The following ADGB variants were observed in gnomAD, a reference collection of about 807,000 sequenced individuals.
The protein encoded by ADGB is calpain-7-like protein.
Under a neutral mutation model 210.5 loss-of-function variants are expected in ADGB, and 172 were observed. The ratio of observed to expected loss-of-function variants is 0.82; its 90% CI spans 0.72 to 0.93. ADGB has a LOEUF of 0.93. Among genes scored for constraint, ADGB ranks in the 40% least tolerant of loss-of-function variants. ADGB has a pLI of 0.00. For synonymous variants in ADGB, 658 were observed against 662.7 expected (o/e 0.99, Z 0.11); for missense variants, 2,025 against 1,964.8 (o/e 1.03, Z -0.58).
At chr6:146,709,266 G>A (rs1776622879) in intron 13 of ADGB, among the ~76,000 whole-genome samples, 1 of 152,092 alleles carries the variant, frequency 6.6e-6, no homozygotes, top group African/African-American at 2.4e-5. Context: ...TTTTGGTGGG[G>A]TCATGTTTCC....
chr6:146,705,488 G>C (rs1191095164), intron 13 of ADGB, among the ~76,000 whole-genome samples: 1 of 152,068 alleles, frequency 6.6e-6, no homozygotes, highest in Non-Finnish European at 1.5e-5. Context: ...AATCATAAAA[G>C]GATGTTGAAT....
intron 16 of ADGB, among the ~76,000 whole-genome samples, chr6:146,718,104 T>C (rs1270119884): frequency 6.6e-6 from 1 of 152,132 alleles, no homozygotes; most frequent in African/African-American, 2.4e-5. Context: ...ACTGTGAGGC[T>C]TCCCTTCCCT....
intron 35 of ADGB, among the ~76,000 whole-genome samples, chr6:146,813,615 A>C (rs1196998296): frequency 7.1e-6 from 1 of 140,698 alleles, no homozygotes; most frequent in African/African-American, 2.6e-5. Context: ...AGACCTTCAG[A>C]GGAATGTCTG....
chr6:146,724,335 G>A lies in ADGB; in HGVS notation c.2237+8G>A. On this transcript the variant is annotated splice_region_variant and intron_variant, in intron 18 of 35. Transcript: ENST00000397944. ...GGTTCGTCTGCCTGTTGGGTATGAA[G>A]TGGCTTCATTTTTCCCATAATAAAA... The A allele has an allele frequency of 6.7e-7, 1 of 1,502,904 alleles. No homozygotes were observed. Among genetic ancestry groups the A allele is most frequent in the Non-Finnish European group, 8.9e-7 (1 of 1,127,676 alleles). The allele number at this position is 1,502,904 out of a possible 1,614,324, so 93.1% of individuals were successfully genotyped here.
At chr6:146,703,173 T>C (rs1776516938) in intron 13 of ADGB, among the ~76,000 whole-genome samples, 1 of 151,910 alleles carries the variant, frequency 6.6e-6, no homozygotes, top group African/African-American at 2.4e-5. Flanking sequence ...CTTTGTGAAA[T>C]ATGGAGACTT....
rs1158103312 is a variant in ADGB at position 146,759,179 on chromosome 6, A to G, written c.3551-4722A>G. On this transcript the variant is annotated intron_variant, in intron 27 of 35. Coordinates refer to ENST00000397944, the MANE Select transcript of ADGB (RefSeq NM_024694.4). ...CACACTACCTTGATAGGTATTCTGT[A>G]CACAAACACTCTTACCACATGCTAA... Among the ~76,000 whole-genome samples the G allele has an allele frequency of 4.6e-5, 7 of 151,852 alleles. No homozygotes were observed. The East Asian group carries it at 1.2e-3, about 25-fold the overall frequency.
chr6:146,730,762 A>C (rs576819327), intron 20 of ADGB, among the ~76,000 whole-genome samples: 1 of 152,270 alleles, frequency 6.6e-6, no homozygotes, highest in African/African-American at 2.4e-5. Context: ...AACGTGGTGA[A>C]ACTCCATCTC....
intron 26 of ADGB, among the ~76,000 whole-genome samples, chr6:146,746,665 C>T (rs1777243442): frequency 6.6e-6 from 1 of 152,146 alleles, no homozygotes; most frequent in Non-Finnish European, 1.5e-5. Flanking sequence ...TTTACATACT[C>T]ATCCTTTACT....
chr6:146,660,401 T>G (rs900320242), intron 5 of ADGB, among the ~76,000 whole-genome samples: 1 of 152,192 alleles, frequency 6.6e-6, no homozygotes, highest in Admixed American at 6.5e-5. Context: ...AAGTTCCCCG[T>G]AATTTTACCA....
chr6:146,785,470 C>T (rs1411413670), intron 31 of ADGB, 140 bp from the exon 32 acceptor site: 1 of 506,370 alleles, frequency 2.0e-6, no homozygotes, highest in African/African-American at 1.9e-5. Flanking sequence ...TGAAGAAGAG[C>T]TGGTCTGCTT....
chr6:146,697,387 G>A (rs1196328474), intron 12 of ADGB, among the ~76,000 whole-genome samples: 1 of 152,162 alleles, frequency 6.6e-6, no homozygotes, highest in African/African-American at 2.4e-5. Flanking sequence ...CTTTGAATTT[G>A]TGCAGTTAAC....
intron 7 of ADGB, among the ~76,000 whole-genome samples, chr6:146,667,852 T>C (rs1775958035): frequency 6.6e-6 from 1 of 152,026 alleles, no homozygotes; most frequent in Admixed American, 6.6e-5. Context: ...TATTTAATCA[T>C]CCATATGACC....
rs57913607 is a variant in ADGB, at chr6:146,650,597, C to CAAAAAAAAAA, written c.331-3510_331-3501dup. ...ATAAATACTCCTGAGTCCCTCCCAC[C>CAAAAAAAAAA]AAAAAAAAAAAAAAAAAAAAAAAAA... On this transcript the variant is annotated intron_variant, in intron 3 of 35. Transcript: ENST00000397944. 5.7e-4 allele frequency among the ~76,000 whole-genome samples: 21 copies of CAAAAAAAAAA among 36,560 alleles called. 5 individuals carry two copies. Among genetic ancestry groups the CAAAAAAAAAA allele is most frequent in the African/African-American group, 2.0e-3 (15 of 7,446 alleles). The allele number at this position is 36,560 out of a possible 152,430, so 24.0% of individuals were successfully genotyped here.
chr6:146,738,033 T>C (rs1443391884), intron 23 of ADGB, among the ~76,000 whole-genome samples: 1 of 152,246 alleles, frequency 6.6e-6, no homozygotes, highest in Non-Finnish European at 1.5e-5. Context: ...ATTAATTTTA[T>C]GGTTAAGAAC....
chr6:146,806,692 A>T (rs1355811082), intron 35 of ADGB, among the ~76,000 whole-genome samples: 1 of 152,186 alleles, frequency 6.6e-6, no homozygotes, highest in Non-Finnish European at 1.5e-5. Context: ...TTATTCTTTG[A>T]TTATATTACT....
chr6:146,605,272 G>C (rs1780615719), intron 1 of ADGB, among the ~76,000 whole-genome samples: 1 of 152,164 alleles, frequency 6.6e-6, no homozygotes, highest in Admixed American at 6.5e-5. Context: ...CCTGATGATA[G>C]TGAGGAACAT....
Position 146,697,287 on chromosome 6 carries a change from G to A in ADGB, c.1578-3654G>A, listed in dbSNP as rs140121175. ...GGGTGATATGAGTGCAGGGTATGAT[G>A]GTTGCCGTTAAAATTGTGGTAATTT... On this transcript the variant is annotated intron_variant, in intron 12 of 35. Coordinates refer to ENST00000397944, the MANE Select transcript of ADGB (RefSeq NM_024694.4). Among the ~76,000 whole-genome samples the A allele has an allele frequency of 1.1e-3, 168 of 152,214 alleles. 3 individuals carry two copies. In the East Asian group the frequency reaches 0.029, roughly 26 times the overall value.
intron 5 of ADGB, among the ~76,000 whole-genome samples, chr6:146,663,150 T>C (rs1298173065): frequency 7.0e-6 from 1 of 142,072 alleles, no homozygotes; most frequent in African/African-American, 2.6e-5. Flanking sequence ...TAATTATAAA[T>C]ATATAATATA....
At chr6:146,783,540 C>T (rs1383321470) in intron 30 of ADGB, among the ~76,000 whole-genome samples, 1 of 152,076 alleles carries the variant, frequency 6.6e-6, no homozygotes, top group African/African-American at 2.4e-5. Flanking sequence ...ATAATAAAAG[C>T]TAATATACCC....
Sources: gnomAD v4.1 joint callset for allele counts (sites outside exome capture counted in the v4.1 genomes callset) on GRCh38, gnomAD v4.1.1 for gene constraint, MANE v1.5 for transcripts, NCBI Gene and HGNC (gene_info 2026-07-23, HGNC 2026-07-21) for gene names.